PDZRN3: variants seen among roughly 807,000 people sequenced by gnomAD.
PDZRN3 encodes the protein PDZ domain containing ring finger 3, also known as E3 ubiquitin-protein ligase PDZRN3.
In PDZRN3, 38 loss-of-function variants were observed where a neutral mutation model predicts 85.7. The observed-to-expected ratio is 0.44, with a 90% CI of 0.34 to 0.58. The LOEUF is 0.58. Among genes scored for constraint, PDZRN3 ranks in the 20% least tolerant of loss-of-function variants. The probability of loss-of-function intolerance (pLI) is 0.01; values close to 1 mark genes in which losing one functional copy is unlikely to be tolerated. For synonymous variants in PDZRN3, 759 were observed against 638.0 expected, an observed-to-expected ratio of 1.19 and a Z score of -2.86; for missense variants, 1,629 against 1,506.4, an observed-to-expected ratio of 1.08 and a Z score of -1.35.
At chr3:73,496,924 T>C (rs2106674574) in intron 3 of PDZRN3, among the ~76,000 whole-genome samples, 1 of 152,322 alleles carries the variant, frequency 6.6e-6, no homozygotes. Flanking sequence ...GGCCTTGTCT[T>C]CAGCAGAATC....
intron 3 of PDZRN3, among the ~76,000 whole-genome samples, chr3:73,505,773 A>T (rs1015471424): frequency 2.0e-5 from 3 of 152,086 alleles, no homozygotes; most frequent in East Asian, 3.9e-4. Flanking sequence ...TGTTTTTTTA[A>T]AAAAAAACAG....
At position 73,384,481 on chromosome 3, in the gene PDZRN3, G is replaced by C. The variant is rs559147906; in HGVS notation, c.2085C>G (p.Ile695Met). ...LELLNEELRS[I>M]ELECLSIVRA... ...GCACGATGCTCAGGCACTCCAGCTC[G>C]ATGCTGCGCAGCTCTTCGTTCAGCA... The change falls in exon 10 of 10, where the codon ATC (isoleucine) becomes ATG (methionine). Residue 695 changes from isoleucine (I) to methionine (M), a missense_variant. Coordinates refer to ENST00000263666, the MANE Select transcript of PDZRN3 (RefSeq NM_015009.3). The C allele has an allele frequency of 1.2e-6, 2 of 1,613,378 alleles. No individual in the cohort carries two copies. Among genetic ancestry groups the C allele is most frequent in the South Asian group, 1.1e-5 (1 of 91,084 alleles).
At chr3:73,435,726 C>T (rs1702518568) in intron 3 of PDZRN3, among the ~76,000 whole-genome samples, 1 of 152,128 alleles carries the variant, frequency 6.6e-6, no homozygotes, top group South Asian at 2.1e-4. Context: ...TGGGTGCTCT[C>T]TGCCTCCTCT....
At chr3:73,572,687 A>G (rs1466578883) in intron 3 of PDZRN3, among the ~76,000 whole-genome samples, 6 of 152,202 alleles carry the variant, frequency 3.9e-5, no homozygotes, top group Non-Finnish European at 8.8e-5. Context: ...CACTGTCCAG[A>G]GACAGCAACA....
At chr3:73,431,023 A>G (rs1401141022) in intron 3 of PDZRN3, among the ~76,000 whole-genome samples, 8 of 152,148 alleles carry the variant, frequency 5.3e-5, no homozygotes, top group Non-Finnish European at 1.0e-4. Context: ...CCACCTGGAC[A>G]CCACAGTTAT....
chr3:73,411,380 G>A (rs1049293402), intron 3 of PDZRN3, among the ~76,000 whole-genome samples: 2 of 152,160 alleles, frequency 1.3e-5, no homozygotes, highest in Admixed American at 1.3e-4. Flanking sequence ...GGCTTTTCTT[G>A]GATAACTGAT....
intron 3 of PDZRN3, among the ~76,000 whole-genome samples, chr3:73,450,931 A>G (rs1487365271): frequency 7.0e-6 from 1 of 142,894 alleles, no homozygotes; most frequent in Admixed American, 7.0e-5. Context: ...CATGCTCTTT[A>G]AAAAAAAAAA....
chr3:73,416,845 C>T (rs1202417632), intron 3 of PDZRN3, among the ~76,000 whole-genome samples: 1 of 149,080 alleles, frequency 6.7e-6, no homozygotes, highest in Non-Finnish European at 1.5e-5. Context: ...CTTTAACCTG[C>T]CTAGGTTTTT....
intron 3 of PDZRN3, chr3:73,561,557 C>T (rs1701815112): frequency 1.3e-5 from 2 of 152,174 alleles, no homozygotes; most frequent in Admixed American, 1.3e-4. Flanking sequence ...TGCGTCAGCT[C>T]GGAAGTGTTA....
At chr3:73,414,880 C>G (rs1702044756) in intron 3 of PDZRN3, among the ~76,000 whole-genome samples, 1 of 152,190 alleles carries the variant, frequency 6.6e-6, no homozygotes, top group East Asian at 1.9e-4. Context: ...ATTTGAAATA[C>G]TCTTCAAAGA....
Position 73,384,888 on chromosome 3 carries a change from T to C in PDZRN3, c.1678A>G (p.Ile560Val), listed in dbSNP as rs545897686. The C allele has an allele frequency of 3.2e-5, 52 of 1,612,518 alleles. 3 individuals are homozygous for C. In the Middle Eastern group the frequency reaches 6.6e-4, roughly 20 times the overall value. The part of the protein sequence containing the change: ...EDGGTTDTAT[I>V]LSNQHEKDSG... ...TCCTTCTCGTGCTGGTTGGACAAGA[T>C]GGTGGCTGTATCTGTGGTCCCACCG... The change falls in exon 10 of 10, where the codon ATC becomes GTC. Residue 560 changes from isoleucine to valine, a missense_variant. Ile to Val is a conservative substitution (Grantham distance 29). Transcript: ENST00000263666.
intron 3 of PDZRN3, among the ~76,000 whole-genome samples, chr3:73,421,594 G>C (rs796693095): frequency 2.1e-4 from 32 of 152,286 alleles, no homozygotes; most frequent in African/African-American, 7.2e-4. Context: ...ACTTCCACTT[G>C]AGCAAGATAT....
intron 3 of PDZRN3, among the ~76,000 whole-genome samples, chr3:73,485,056 T>C (rs1703638701): frequency 6.6e-6 from 1 of 152,076 alleles, no homozygotes; most frequent in Admixed American, 6.6e-5. Context: ...AAAACAAGCT[T>C]TTTATTAGTC....
chr3:73,391,162 G>A (rs759831436), intron 5 of PDZRN3, 46 bp from the exon 6 acceptor site: 21 of 1,087,750 alleles, frequency 1.9e-5, no homozygotes, highest in South Asian at 1.0e-4. Flanking sequence ...CAGGCAATGC[G>A]AGTTGAGGGG....
chr3:73,479,333 CA>C (rs1307911988), intron 3 of PDZRN3, among the ~76,000 whole-genome samples: 1 of 151,822 alleles, frequency 6.6e-6, no homozygotes, highest in Non-Finnish European at 1.5e-5. Flanking sequence ...AATATGACCA[CA>C]AGGGTCTCTC....
intron 3 of PDZRN3, among the ~76,000 whole-genome samples, chr3:73,429,796 T>G (rs1017054403): frequency 6.6e-6 from 1 of 152,230 alleles, no homozygotes; most frequent in African/African-American, 2.4e-5. Flanking sequence ...TCTCAAATCA[T>G]TCATTCTTCA....
At chr3:73,485,358 C>G (rs1187687249) in intron 3 of PDZRN3, among the ~76,000 whole-genome samples, 1 of 150,550 alleles carries the variant, frequency 6.6e-6, no homozygotes, top group Admixed American at 6.6e-5. Context: ...ATAGCATCAT[C>G]GTGGAATAAG....
chr3:73,417,317 T>C (rs565402696), intron 3 of PDZRN3, among the ~76,000 whole-genome samples: 1 of 152,346 alleles, frequency 6.6e-6, no homozygotes, highest in South Asian at 2.1e-4. Flanking sequence ...GAAAACTGAA[T>C]AGAAGCCTGC....
At chr3:73,413,508 G>A (rs1173253987) in intron 3 of PDZRN3, among the ~76,000 whole-genome samples, 1 of 152,176 alleles carries the variant, frequency 6.6e-6, no homozygotes, top group Non-Finnish European at 1.5e-5. Context: ...GAGGTAGGTG[G>A]TGTTATCTCT....
Sources: allele counts gnomAD v4.1 joint callset (sites outside exome capture counted in the v4.1 genomes callset), GRCh38; gene constraint gnomAD v4.1.1; transcripts MANE v1.5; gene names NCBI Gene and HGNC (gene_info 2026-07-23, HGNC 2026-07-21).